Variants in NBEA observed in about 807,000 individuals in gnomAD.
NBEA encodes the protein neurobeachin.
A neutral mutation model predicts 343.4 loss-of-function variants in NBEA; 44 were observed. That is an observed-to-expected ratio of 0.13 (90% CI 0.10 to 0.16). The LOEUF is 0.16. NBEA is among the 10% of genes least tolerant of loss of function. The probability of loss-of-function intolerance (pLI) is 1.00; values close to 1 mark genes in which losing one functional copy is unlikely to be tolerated. For missense variants in NBEA, 2,555 were observed against 3,631.3 expected, an observed-to-expected ratio of 0.70 and a Z score of 7.62; for synonymous variants, 1,175 against 1,238.7, an observed-to-expected ratio of 0.95 and a Z score of 1.08.
chr13:35,165,139 T>A (rs1298680171), intron 24 of NBEA: 1 of 533,270 alleles, frequency 1.9e-6, no homozygotes, highest in African/African-American at 1.9e-5. Context: ...TCAGAAAGCA[T>A]ACCTTTGCCA....
At chr13:35,309,350 A>C (rs546390910) in intron 35 of NBEA, among the ~76,000 whole-genome samples, 178 bp from the exon 36 acceptor site, 1 of 152,272 alleles carries the variant, frequency 6.6e-6, no homozygotes, top group South Asian at 2.1e-4. Context: ...CTTATAAACT[A>C]AGTGATAAAA....
At chr13:35,387,121 T>TC (rs1292685469) in intron 38 of NBEA, among the ~76,000 whole-genome samples, 1 of 152,206 alleles carries the variant, frequency 6.6e-6, no homozygotes, top group African/African-American at 2.4e-5. Context: ...GATTTTTAAA[T>TC]GATTGTAACA....
chr13:35,258,920 A>G (rs966408465), intron 34 of NBEA, among the ~76,000 whole-genome samples: 3 of 152,188 alleles, frequency 2.0e-5, no homozygotes, highest in Non-Finnish European at 4.4e-5. Flanking sequence ...TTTGCCCCCA[A>G]ATAGGGTAAT....
At chr13:35,618,169 A>G (rs902722457) in intron 48 of NBEA, among the ~76,000 whole-genome samples, 4 of 152,196 alleles carry the variant, frequency 2.6e-5, no homozygotes, top group African/African-American at 4.8e-5. Context: ...CATATATTCC[A>G]AAGAGATGAC....
At chr13:35,393,641 T>A (rs2042608509) in intron 38 of NBEA, among the ~76,000 whole-genome samples, 1 of 152,132 alleles carries the variant, frequency 6.6e-6, no homozygotes, top group Non-Finnish European at 1.5e-5. Context: ...TCCTTTTTCT[T>A]ATTTGAAATT....
intron 39 of NBEA, among the ~76,000 whole-genome samples, chr13:35,446,560 T>C (rs1442809043): frequency 1.3e-5 from 2 of 152,136 alleles, no homozygotes; most frequent in African/African-American, 4.8e-5. Flanking sequence ...TGTAAGAGAT[T>C]TTATGTAAAA....
At chr13:34,967,086 A>G (rs1453675680) in intron 1 of NBEA, among the ~76,000 whole-genome samples, 1 of 151,378 alleles carries the variant, frequency 6.6e-6, no homozygotes, top group Non-Finnish European at 1.5e-5. Context: ...CTTTGGGAAG[A>G]TATTTTGAAG....
chr13:35,251,375 CTG>C, intron 34 of NBEA: 1 of 1,039,164 alleles, frequency 9.6e-7, no homozygotes, highest in South Asian at 3.3e-5. Flanking sequence ...ACTCCAATGA[CTG>C]TGTGCTGGTG....
At chr13:34,981,953 TTCTCTC>T (rs144982548) in intron 1 of NBEA, among the ~76,000 whole-genome samples, 2 of 149,270 alleles carry the variant, frequency 1.3e-5, no homozygotes, top group African/African-American at 4.9e-5. Context: ...ATGTTCTCTC[TTCTCTC>T]TCTCTCTCTC....
At chr13:35,123,637 T>C in intron 17 of NBEA, 63 bp downstream of exon 17, 1 of 1,050,584 alleles carries the variant, frequency 9.5e-7, no homozygotes, top group Admixed American at 3.0e-5. Flanking sequence ...TTTTATGAGT[T>C]TTCTATGTAA....
At chr13:35,458,630 G>C (rs1000354624) in intron 40 of NBEA, among the ~76,000 whole-genome samples, 102 of 152,086 alleles carry the variant, frequency 6.7e-4, no homozygotes, top group African/African-American at 2.3e-3. Flanking sequence ...TTTGTCTTTT[G>C]TTTTTTGGTA....
chr13:35,234,534 G>T (rs1279534211), intron 34 of NBEA, among the ~76,000 whole-genome samples: 1 of 152,142 alleles, frequency 6.6e-6, no homozygotes, highest in Non-Finnish European at 1.5e-5. Context: ...TAGGATATGT[G>T]CTATAATGAA....
chr13:35,155,793 G>A lies in NBEA; in HGVS notation c.2465G>A (p.Cys822Tyr), dbSNP rs779191901. 4 of 1,610,112 alleles carry A rather than the reference G, an allele frequency of 2.5e-6. No individual in the cohort carries two copies. The highest frequency in any genetic ancestry group is 3.4e-6 in the Non-Finnish European group (4 of 1,176,648). Reference sequence around the variant, plus strand: ...TTTCAGATCTTGACAGAACAAGTATGTACTCAGGTCGTACACAAACCACAT... The same window carrying A: ...TTTCAGATCTTGACAGAACAAGTATATACTCAGGTCGTACACAAACCACAT... ...TLYEILTEQV[C>Y]TQVVHKPHPE... Residue 822 changes from cysteine to tyrosine, a missense_variant, in exon 19 of 59, where the codon TGT (cysteine) becomes TAT (tyrosine). Physicochemically the swap from Cys to Tyr is radical, Grantham distance 194 (BLOSUM62 -2). Transcript: ENST00000379939.
At chr13:34,985,614 C>CT (rs1344280915) in intron 1 of NBEA, among the ~76,000 whole-genome samples, 1 of 150,784 alleles carries the variant, frequency 6.6e-6, no homozygotes, top group East Asian at 1.9e-4. Context: ...AGAAGGAGTG[C>CT]TACCAGCTCC....
chr13:35,557,612 C>T (rs1037965593), intron 44 of NBEA, among the ~76,000 whole-genome samples: 6 of 151,912 alleles, frequency 3.9e-5, no homozygotes, highest in African/African-American at 7.3e-5. Flanking sequence ...CTGGGTACTT[C>T]CTTTGCAATT....
At chr13:35,199,057 C>CAGA (rs538569162) in intron 31 of NBEA, among the ~76,000 whole-genome samples, 201 of 152,156 alleles carry the variant, frequency 1.3e-3, no homozygotes, top group African/African-American at 4.7e-3. Context: ...GTTTGATTGT[C>CAGA]TGTCAGCCAT....
chr13:35,522,576 C>T (rs919384801), intron 41 of NBEA, among the ~76,000 whole-genome samples: 3 of 150,188 alleles, frequency 2.0e-5, no homozygotes, highest in Non-Finnish European at 4.4e-5. Flanking sequence ...GGTTAGAAAA[C>T]CACTAAGATG....
chr13:35,613,239 C>G (rs1304673530), intron 48 of NBEA, among the ~76,000 whole-genome samples: 1 of 151,078 alleles, frequency 6.6e-6, no homozygotes, highest in East Asian at 1.9e-4. Flanking sequence ...CACCATTCTA[C>G]TCACTACTTC....
chr13:35,208,851 A>G lies in NBEA; in HGVS notation c.5518A>G (p.Thr1840Ala). 6.3e-7 allele frequency: 1 copy of G among 1,582,804 alleles called. No homozygotes were observed. The highest frequency in any genetic ancestry group is 1.1e-5 in the South Asian group (1 of 87,234). The change falls in exon 32 of 59, where the codon ACA (threonine) becomes GCA (alanine). Residue 1840 changes from threonine to alanine, a missense_variant. By Grantham distance (58) the Thr-to-Ala change is moderately conservative (BLOSUM62 0). This residue lies in a region of NBEA where 84 missense variants were observed against 196.4 expected (regional missense o/e 0.43). Transcript: ENST00000379939. ...GATPKSMINTTGAVDSGSSSS... is the reference protein window; with the variant it reads ...GATPKSMINTAGAVDSGSSSS... ...TACACCAAAAAGTATGATTAATACA[A>G]CAGGTATTGTACTTACATATTTTTG...
Sources: gnomAD v4.1 joint callset for allele counts (sites outside exome capture counted in the v4.1 genomes callset) on GRCh38, gnomAD v4.1.1 for gene constraint, gnomAD v4.1.1 regional missense constraint, MANE v1.5 for transcripts, NCBI Gene and HGNC (gene_info 2026-07-23, HGNC 2026-07-21) for gene names.